TMEM207: variants seen among roughly 807,000 people sequenced by gnomAD.
The protein encoded by TMEM207 is transmembrane protein 207.
In TMEM207, 15 loss-of-function variants were observed where a neutral mutation model predicts 17.4. The observed-to-expected ratio is 0.86, with a 90% CI of 0.58 to 1.33. The LOEUF is 1.33. TMEM207 is among the 40% of genes most tolerant of loss of function. The probability of loss-of-function intolerance (pLI) is 0.00; values close to 1 mark genes in which losing one functional copy is unlikely to be tolerated. For synonymous variants in TMEM207, 70 were observed against 65.6 expected, an observed-to-expected ratio of 1.07 and a Z score of -0.33; for missense variants, 205 against 173.8, an observed-to-expected ratio of 1.18 and a Z score of -1.01.
intron 4 of TMEM207, among the ~76,000 whole-genome samples, chr3:190,435,650 G>A (rs954413895): frequency 6.6e-6 from 1 of 152,110 alleles, no homozygotes; most frequent in South Asian, 2.1e-4. Flanking sequence ...CTTTCGAGAA[G>A]CCCCTCAGTT....
At position 190,449,898 on chromosome 3, in the gene TMEM207, T is replaced by C; in HGVS notation, c.-89A>G. The C allele has an allele frequency of 8.2e-7, 1 of 1,215,866 alleles. No individual in the cohort carries two copies. The highest frequency in any genetic ancestry group is 1.2e-6 in the Non-Finnish European group (1 of 827,742). The allele number at this position is 1,215,866 out of a possible 1,614,324, so 75.3% of individuals were successfully genotyped here. ...AACTTACTAGCTTCTCTATAAGTTA[T>C]GCTTCCTACCAGGACATGCATTAAT... On this transcript the variant is annotated 5_prime_UTR_variant, in exon 1 of 5. Coordinates refer to ENST00000354905, the MANE Select transcript of TMEM207 (RefSeq NM_207316.3).
In TMEM207 at chr3:190,429,709, T is replaced by C. The variant is rs1309522699; in HGVS notation, c.327A>G (p.Pro109=). 2 of 1,610,434 alleles carry C rather than the reference T, an allele frequency of 1.2e-6. No homozygotes were observed. Among genetic ancestry groups the C allele is most frequent in the Non-Finnish European group, 1.7e-6 (2 of 1,178,410 alleles). Residue 109 remains proline (P), a synonymous_variant, in exon 5 of 5, where the codon CCA becomes CCG. Coordinates refer to ENST00000354905, the MANE Select transcript of TMEM207 (RefSeq NM_207316.3). ...SIYGTEAAVS[P]TVGIHLQTQT... ...GAGTTTGAAGGTGAATTCCAACAGTTGGACTCACAGCTGCTTCTGTCCCTG... is the reference window on the plus strand; with the variant it reads ...GAGTTTGAAGGTGAATTCCAACAGTCGGACTCACAGCTGCTTCTGTCCCTG...
At chr3:190,444,679 A>G (rs182986414) in intron 2 of TMEM207, among the ~76,000 whole-genome samples, 187 of 152,286 alleles carry the variant, frequency 1.2e-3, no homozygotes, top group African/African-American at 4.4e-3. Flanking sequence ...TATTGGTTAT[A>G]TAGTGTCCTC....
chr3:190,443,232 A>C (rs907415485), intron 2 of TMEM207, among the ~76,000 whole-genome samples: 1 of 147,914 alleles, frequency 6.8e-6, no homozygotes, highest in East Asian at 2.0e-4. Flanking sequence ...GGATTATTTC[A>C]TCTTCCTCCT....
chr3:190,434,056 C>A (rs1455467454), intron 4 of TMEM207, among the ~76,000 whole-genome samples: 2 of 152,122 alleles, frequency 1.3e-5, no homozygotes, highest in Non-Finnish European at 2.9e-5. Context: ...GTACAGCCTG[C>A]AGAACCATGA....
intron 4 of TMEM207, among the ~76,000 whole-genome samples, chr3:190,431,394 C>A (rs1359162915): frequency 6.6e-6 from 1 of 151,948 alleles, no homozygotes; most frequent in Non-Finnish European, 1.5e-5. Flanking sequence ...CATGCATCTA[C>A]TTTTATTTAC....
intron 1 of TMEM207, among the ~76,000 whole-genome samples, chr3:190,449,102 T>C (rs1332158586): frequency 6.6e-6 from 1 of 152,228 alleles, no homozygotes; most frequent in Non-Finnish European, 1.5e-5. Flanking sequence ...TTTCTGTGTG[T>C]TGTACCCTAG....
At chr3:190,435,426 C>T (rs1199372018) in intron 4 of TMEM207, among the ~76,000 whole-genome samples, 1 of 152,098 alleles carries the variant, frequency 6.6e-6, no homozygotes, top group Non-Finnish European at 1.5e-5. Flanking sequence ...TTTTTAAAGG[C>T]CCTATCTTCA....
chr3:190,445,791 G>A (rs1365156217), intron 2 of TMEM207, among the ~76,000 whole-genome samples: 1 of 152,206 alleles, frequency 6.6e-6, no homozygotes, highest in Non-Finnish European at 1.5e-5. Context: ...ATCCCAAAGT[G>A]CTAGGATTAC....
intron 3 of TMEM207, among the ~76,000 whole-genome samples, chr3:190,440,955 G>C (rs996883346): frequency 6.6e-6 from 1 of 152,134 alleles, no homozygotes; most frequent in Non-Finnish European, 1.5e-5. Context: ...TGTAATCCCA[G>C]CTACTCCGGA....
chr3:190,442,819 A>T (rs1387895328), intron 2 of TMEM207, among the ~76,000 whole-genome samples: 1 of 152,252 alleles, frequency 6.6e-6, no homozygotes, highest in Non-Finnish European at 1.5e-5. Context: ...AAACATGTTT[A>T]TAAATAAGTC....
At position 190,430,693 on chromosome 3, in the gene TMEM207, A is replaced by T. The variant is rs368460573; in HGVS notation, c.305-962T>A. Among the ~76,000 whole-genome samples, 3 of 152,172 alleles carry T rather than the reference A, an allele frequency of 2.0e-5. No homozygotes were observed. In the South Asian group the frequency reaches 6.2e-4, roughly 32 times the overall value. ...CTAAATCGGGCCTCTGATTTTGTGTATTGAATTTATGAAACACAATCTTAT... is the reference window on the plus strand; with the variant it reads ...CTAAATCGGGCCTCTGATTTTGTGTTTTGAATTTATGAAACACAATCTTAT... On this transcript the variant is annotated intron_variant, in intron 4 of 4. Coordinates refer to ENST00000354905, the MANE Select transcript of TMEM207 (RefSeq NM_207316.3).
In TMEM207 at chr3:190,428,850, C is replaced by G. The variant is rs562972586; in HGVS notation, c.*745G>C. 6.6e-6 allele frequency: 1 copy of G among 152,244 alleles called. No homozygotes were observed. Among genetic ancestry groups the G allele is most frequent in the African/African-American group, 2.4e-5 (1 of 41,556 alleles). The allele number at this position is 152,244 out of a possible 1,614,324, so 9.4% of individuals were successfully genotyped here. ...TATGCCGAAGGTTCTTAGCATGATG[C>G]TGCAATAAATGCCAAGCCCTGAGGC... On this transcript the variant is annotated 3_prime_UTR_variant, in exon 5 of 5. Coordinates refer to ENST00000354905, the MANE Select transcript of TMEM207 (RefSeq NM_207316.3).
At chr3:190,432,120 A>AAG (rs1396231625) in intron 4 of TMEM207, among the ~76,000 whole-genome samples, 1 of 152,206 alleles carries the variant, frequency 6.6e-6, no homozygotes, top group Non-Finnish European at 1.5e-5. Flanking sequence ...ACTGCTCTCT[A>AAG]AGATATCAGA....
At chr3:190,442,891 AC>A (rs1719964192) in intron 2 of TMEM207, among the ~76,000 whole-genome samples, 3 of 152,210 alleles carry the variant, frequency 2.0e-5, no homozygotes, top group Non-Finnish European at 4.4e-5. Context: ...TTCTACAAGT[AC>A]AATGATTTCG....
intron 4 of TMEM207, among the ~76,000 whole-genome samples, 186 bp from the exon 5 acceptor site, chr3:190,429,917 A>G (rs973259252): frequency 6.6e-6 from 1 of 152,014 alleles, no homozygotes; most frequent in Admixed American, 6.6e-5. Flanking sequence ...CAGGGGGGAA[A>G]AAAAAAATTG....
intron 4 of TMEM207, among the ~76,000 whole-genome samples, chr3:190,438,494 A>G (rs1719853911): frequency 6.6e-6 from 1 of 152,180 alleles, no homozygotes; most frequent in African/African-American, 2.4e-5. Flanking sequence ...AAAACATTAG[A>G]TAAAGAAGGG....
In TMEM207 at chr3:190,439,005, G is replaced by A. The variant is rs375272905; in HGVS notation, c.304+1239C>T. Among the ~76,000 whole-genome samples, 234 of 148,420 alleles carry A rather than the reference G, an allele frequency of 1.6e-3. 1 individual carries two copies. Among genetic ancestry groups the A allele is most frequent in the African/African-American group, 5.4e-3 (219 of 40,826 alleles). On this transcript the variant is annotated intron_variant, in intron 4 of 4. Transcript: ENST00000354905. ...GAGATCGAGACCACGGTGAAACCCC[G>A]TCTCTACTAAAAATACAAAAAATTA...
intron 2 of TMEM207, among the ~76,000 whole-genome samples, chr3:190,446,335 C>T (rs1720049594): frequency 1.3e-5 from 2 of 152,154 alleles, no homozygotes; most frequent in South Asian, 4.1e-4. Context: ...CAGAAAACAG[C>T]ATGACTTTCC....
Sources: gnomAD v4.1 joint callset for allele counts (sites outside exome capture counted in the v4.1 genomes callset) on GRCh38, gnomAD v4.1.1 for gene constraint, MANE v1.5 for transcripts, NCBI Gene and HGNC (gene_info 2026-07-23, HGNC 2026-07-21) for gene names.